Variants in DTD1 observed in about 807,000 individuals in gnomAD.
DTD1 encodes the protein D-tyrosyl-tRNA deacylase 1 homolog.
In DTD1, 13 loss-of-function variants were observed where a neutral mutation model predicts 25.6. The ratio of observed to expected loss-of-function variants is 0.51; its 90% CI spans 0.33 to 0.81. The LOEUF is 0.81. Among genes scored for constraint, DTD1 ranks in the 30% least tolerant of loss-of-function variants. The pLI is 0.02. For missense variants in DTD1, 193 were observed against 266.4 expected (o/e 0.72, Z 1.92); for synonymous variants, 110 against 103.6 (o/e 1.06, Z -0.37).
At chr20:18,725,101 G>T (rs1213502249) in intron 4 of DTD1, among the ~76,000 whole-genome samples, 6 of 150,994 alleles carry the variant, frequency 4.0e-5, no homozygotes, top group Admixed American at 3.3e-4. Flanking sequence ...GGGCTACCCT[G>T]CAGGCAGAGA....
chr20:18,748,140 A>T (rs2061307812), intron 5 of DTD1, among the ~76,000 whole-genome samples: 1 of 151,918 alleles, frequency 6.6e-6, no homozygotes, highest in Non-Finnish European at 1.5e-5. Context: ...CAGCAACCAG[A>T]CCCAGATTAT....
chr20:18,655,741 G>A (rs1310474541), intron 4 of DTD1, among the ~76,000 whole-genome samples: 1 of 152,102 alleles, frequency 6.6e-6, no homozygotes, highest in Non-Finnish European at 1.5e-5. Context: ...TAAATGATGG[G>A]CATTTCATTT....
chr20:18,697,358 C>G (rs1042506692), intron 4 of DTD1, among the ~76,000 whole-genome samples: 1 of 152,102 alleles, frequency 6.6e-6, no homozygotes, highest in Non-Finnish European at 1.5e-5. Context: ...ATTCACATGT[C>G]CTTCTTATTG....
At chr20:18,611,078 T>A (rs1003348292) in intron 3 of DTD1, 1 of 152,244 alleles carries the variant, frequency 6.6e-6, no homozygotes, top group Non-Finnish European at 1.5e-5. Flanking sequence ...ACGAAGTAGG[T>A]GGCAATGCCT....
chr20:18,725,101 G>A (rs1213502249), intron 4 of DTD1, among the ~76,000 whole-genome samples: 1 of 150,994 alleles, frequency 6.6e-6, no homozygotes, highest in African/African-American at 2.5e-5. Flanking sequence ...GGGCTACCCT[G>A]CAGGCAGAGA....
At chr20:18,654,306 C>T (rs1419984750) in intron 4 of DTD1, among the ~76,000 whole-genome samples, 3 of 152,196 alleles carry the variant, frequency 2.0e-5, no homozygotes, top group African/African-American at 7.2e-5. Context: ...GTCTTGCCTG[C>T]CACCATGTGA....
intron 3 of DTD1, among the ~76,000 whole-genome samples, chr20:18,617,033 AC>A (rs1362789760): frequency 6.6e-6 from 1 of 151,854 alleles, no homozygotes; most frequent in Non-Finnish European, 1.5e-5. Context: ...CTCCTTCCTC[AC>A]TTTTATCTCA....
At chr20:18,693,995 C>G (rs2061059918) in intron 4 of DTD1, among the ~76,000 whole-genome samples, 1 of 152,252 alleles carries the variant, frequency 6.6e-6, no homozygotes, top group African/African-American at 2.4e-5. Context: ...CTAGTGACTA[C>G]TGTATTGCAC....
intron 4 of DTD1, among the ~76,000 whole-genome samples, chr20:18,686,765 G>C (rs915953692): frequency 4.6e-5 from 7 of 151,482 alleles, no homozygotes; most frequent in African/African-American, 1.7e-4. Flanking sequence ...TTTTCTTATT[G>C]ATGTGTGTGT....
At chr20:18,677,379 T>C (rs985507575) in intron 4 of DTD1, among the ~76,000 whole-genome samples, 2 of 152,150 alleles carry the variant, frequency 1.3e-5, no homozygotes, top group African/African-American at 4.8e-5. Flanking sequence ...AGTTCGTTGA[T>C]GAGATGCTCC....
At chr20:18,631,019 G>C (rs1477422579) in intron 4 of DTD1, 1 of 978,798 alleles carries the variant, frequency 1.0e-6, no homozygotes, top group African/African-American at 1.7e-5. Context: ...AAGTCTACCA[G>C]ATACCTCCAT....
At chr20:18,639,962 G>T (rs1334871736) in intron 4 of DTD1, among the ~76,000 whole-genome samples, 1 of 151,994 alleles carries the variant, frequency 6.6e-6, no homozygotes, top group Non-Finnish European at 1.5e-5. Flanking sequence ...TCGTGTCATT[G>T]TTGGGTCATG....
chr20:18,684,205 C>G (rs969774537), intron 4 of DTD1, among the ~76,000 whole-genome samples: 1 of 152,150 alleles, frequency 6.6e-6, no homozygotes, highest in South Asian at 2.1e-4. Context: ...ACTCCTGCCT[C>G]CCCACCCCAC....
chr20:18,681,144 C>A (rs1450516722), intron 4 of DTD1, among the ~76,000 whole-genome samples: 1 of 152,092 alleles, frequency 6.6e-6, no homozygotes, highest in African/African-American at 2.4e-5. Context: ...TCTGAGTTAG[C>A]CAGGGTTAGG....
intron 5 of DTD1, among the ~76,000 whole-genome samples, chr20:18,751,658 A>AATTTTTTGT (rs1319125635): frequency 6.6e-6 from 1 of 151,798 alleles, no homozygotes; most frequent in Non-Finnish European, 1.5e-5. Context: ...ATGCCTGGCT[A>AATTTTTTGT]ATTTTTTGTA....
At chr20:18,733,460 G>A (rs1205882704) in intron 4 of DTD1, among the ~76,000 whole-genome samples, 5 of 152,164 alleles carry the variant, frequency 3.3e-5, no homozygotes, top group Admixed American at 2.0e-4. Context: ...CTGACAAAGA[G>A]GTTTTGAGGG....
At chr20:18,678,045 T>C (rs1368040975) in intron 4 of DTD1, among the ~76,000 whole-genome samples, 2 of 152,194 alleles carry the variant, frequency 1.3e-5, no homozygotes, top group South Asian at 2.1e-4. Context: ...TTTGAGACAA[T>C]AGAATATTGC....
chr20:18,612,309 C>T (rs1464652609), intron 3 of DTD1, among the ~76,000 whole-genome samples: 1 of 152,126 alleles, frequency 6.6e-6, no homozygotes, highest in Non-Finnish European at 1.5e-5. Context: ...GCTGGGATTA[C>T]AGGGGTGAGC....
chr20:18,679,984 G>T (rs2060990388), intron 4 of DTD1, among the ~76,000 whole-genome samples: 1 of 152,166 alleles, frequency 6.6e-6, no homozygotes, highest in South Asian at 2.1e-4. Context: ...TCTGATCCAG[G>T]ATCAGTATAT....
Sources: gnomAD v4.1 joint callset for allele counts (sites outside exome capture counted in the v4.1 genomes callset) on GRCh38, gnomAD v4.1.1 for gene constraint, MANE v1.5 for transcripts, NCBI Gene and HGNC (gene_info 2026-07-23, HGNC 2026-07-21) for gene names.